The following BDP1 variants were observed in gnomAD, a reference collection of about 807,000 sequenced individuals.
BDP1 encodes transcription factor TFIIIB component B'' homolog.
A neutral mutation model predicts 266.6 loss-of-function variants in BDP1; 169 were observed. The observed-to-expected ratio is 0.63, with a 90% CI of 0.56 to 0.72. BDP1 has a LOEUF of 0.72. Among genes scored for constraint, BDP1 ranks in the 30% least tolerant of loss-of-function variants. The pLI is 0.00. For missense variants in BDP1, 3,015 were observed against 3,053.8 expected (o/e 0.99, Z 0.30); for synonymous variants, 1,090 against 1,022.4 (o/e 1.07, Z -1.26).
rs77849317 is a variant in BDP1 at position 71,515,985 on chromosome 5, A to G, written c.4650-76A>G. On this transcript the variant is annotated intron_variant, in intron 20 of 38. Coordinates refer to ENST00000358731, the MANE Select transcript of BDP1 (RefSeq NM_018429.3). ...TTAGAGTGTTTATTAGAGGAGATCC[A>G]AATTTTACATTTTTACATTAGTTTT... 1.9e-3 allele frequency: 2,071 copies of G among 1,078,152 alleles called. 27 individuals carry two copies. The African/African-American group carries it at 0.026, about 14-fold the overall frequency. 66.8% of individuals were successfully genotyped at this position (1,078,152 alleles called of 1,614,324 possible). A position where few individuals can be genotyped will look rare whatever the true frequency, so the allele number is the denominator to read the frequency against.
the BDP1 span, among the ~76,000 whole-genome samples, chr5:71,573,221 C>G: frequency 7.4e-6 from 1 of 135,452 alleles, no homozygotes; most frequent in Non-Finnish European, 1.6e-5. Context: ...GAACGAGACT[C>G]TGTTTCAAAA....
At chr5:71,564,519 A>G (rs558311410) in intron 38 of BDP1, among the ~76,000 whole-genome samples, 10 of 152,124 alleles carry the variant, frequency 6.6e-5, no homozygotes, top group Non-Finnish European at 1.2e-4. Flanking sequence ...CTAATGCTAC[A>G]AAGGTTATCT....
intron 7 of BDP1, among the ~76,000 whole-genome samples, chr5:71,483,428 C>T (rs1011874605): frequency 3.3e-5 from 5 of 152,268 alleles, no homozygotes; most frequent in African/African-American, 9.6e-5. Context: ...CAAAATTTCA[C>T]TTAGTTGTTT....
intron 11 of BDP1, among the ~76,000 whole-genome samples, chr5:71,491,748 G>T (rs371861557): frequency 1.8e-4 from 27 of 152,080 alleles, no homozygotes; most frequent in African/African-American, 6.5e-4. Context: ...GATGGGGTCG[G>T]TCTCTGTCAC....
rs200925109 is a variant in BDP1 at position 71,512,419 on chromosome 5, T to C, written c.4238T>C (p.Ile1413Thr). 73 of 1,537,468 alleles carry C rather than the reference T, an allele frequency of 4.7e-5. No homozygotes were observed. In the East Asian group the frequency reaches 1.3e-3, roughly 27 times the overall value. Residue 1413 changes from isoleucine to threonine, a missense_variant, in exon 18 of 39, where the codon ATT becomes ACT. By Grantham distance (89) the Ile-to-Thr change is moderately conservative. Transcript: ENST00000358731. ...GATGTTCCAGAGCAGTTTTCAGATATTAATTTAAGGTACAAGTGTGTTTTT... is the reference window on the plus strand; with the variant it reads ...GATGTTCCAGAGCAGTTTTCAGATACTAATTTAAGGTACAAGTGTGTTTTT... Reference protein sequence around the residue: ...SPDVPEQFSDINLSKSLPQEQ... With the variant: ...SPDVPEQFSDTNLSKSLPQEQ...
At chr5:71,480,641 A>G (rs549357483) in intron 7 of BDP1, among the ~76,000 whole-genome samples, 25 of 150,160 alleles carry the variant, frequency 1.7e-4, no homozygotes, top group African/African-American at 5.6e-4. Context: ...ATCTCAGCTC[A>G]CTGCAACCTC....
rs537872428 is a variant in BDP1, at chr5:71,510,552, T to A, written c.3460T>A (p.Ser1154Thr). The A allele has an allele frequency of 4.0e-5, 65 of 1,613,810 alleles. No homozygotes were observed. In the South Asian group the frequency reaches 6.7e-4, roughly 17 times the overall value. Residue 1154 changes from serine to threonine, a missense_variant, in exon 17 of 39, where the codon TCC becomes ACC. This residue lies in a region of BDP1 where 2,383 missense variants were observed against 2,404.9 expected (regional missense o/e 0.99). Coordinates refer to ENST00000358731, the MANE Select transcript of BDP1 (RefSeq NM_018429.3). ...GGAAGAAACTGGAAGAAGAGAAATA[T>A]CCCCAGAGGAAAATGGCCCAGAGGA... ...DLEETGRREI[S>T]PEENGPEEVK...
Position 71,548,748 on chromosome 5 carries a change from A to T in BDP1, c.6808+3A>T. The T allele has an allele frequency of 9.5e-6, 15 of 1,577,998 alleles. No individual in the cohort carries two copies. Among genetic ancestry groups the T allele is most frequent in the Non-Finnish European group, 1.3e-5 (15 of 1,148,986 alleles). On this transcript the variant is annotated splice_donor_region_variant and intron_variant, in intron 33 of 38. Coordinates refer to ENST00000358731, the MANE Select transcript of BDP1 (RefSeq NM_018429.3). Reference sequence around the variant, plus strand: ...AATCAATCCTCAAGACCTAACAGGTATGATAATATGCTTCAGTGACATGTC... The same window carrying T: ...AATCAATCCTCAAGACCTAACAGGTTTGATAATATGCTTCAGTGACATGTC...
chr5:71,502,189 CTT>C (rs70992970), intron 14 of BDP1, among the ~76,000 whole-genome samples: 79 of 135,472 alleles, frequency 5.8e-4, no homozygotes, highest in Admixed American at 1.4e-3. Flanking sequence ...TTTTCTCTCT[CTT>C]TTTTTTTTTT....
At chr5:71,544,564 A>C in intron 31 of BDP1, 57 bp downstream of exon 31, 10 of 1,536,370 alleles carry the variant, frequency 6.5e-6, no homozygotes, top group Non-Finnish European at 8.8e-6. Context: ...TATAGCCTTA[A>C]GTTGTGGCTG....
intron 7 of BDP1, among the ~76,000 whole-genome samples, chr5:71,474,617 G>T (rs1003117881): frequency 6.6e-6 from 1 of 151,850 alleles, no homozygotes; most frequent in Non-Finnish European, 1.5e-5. Flanking sequence ...GGAGGCTGAG[G>T]GGGGTGGGTC....
intron 7 of BDP1, among the ~76,000 whole-genome samples, chr5:71,472,408 C>T (rs977108083): frequency 6.6e-6 from 1 of 152,208 alleles, no homozygotes; most frequent in Non-Finnish European, 1.5e-5. Context: ...TTGCAGTGAG[C>T]TGAGATTGTA....
chr5:71,552,413 C>T (rs75824660), intron 34 of BDP1, among the ~76,000 whole-genome samples: 6,896 of 117,366 alleles, frequency 0.059, 7 homozygotes, highest in East Asian at 0.2. Flanking sequence ...ACATCCCAGA[C>T]GATGGGCGGC....
Position 71,491,024 on chromosome 5 carries a change from A to C in BDP1, c.1533A>C (p.Glu511Asp). The change falls in exon 11 of 39, where the codon GAA becomes GAC. Residue 511 changes from glutamate (E) to aspartate (D), a missense_variant. Transcript: ENST00000358731. ...QAIRPELKEG[E>D]CSKEQMLSCT... is the part of the protein sequence containing the mutation. ...TAAGGCCTGAGCTAAAGGAAGGTGAATGCAGTAAGGAGCAGATGCTTTCCT... is the reference window on the plus strand; with the variant it reads ...TAAGGCCTGAGCTAAAGGAAGGTGACTGCAGTAAGGAGCAGATGCTTTCCT... 3.1e-6 allele frequency: 5 copies of C among 1,613,632 alleles called. No homozygotes were observed. The highest frequency in any genetic ancestry group is 1.3e-5 in the African/African-American group (1 of 75,052).
intron 21 of BDP1, among the ~76,000 whole-genome samples, chr5:71,516,634 T>C (rs1359818644): frequency 6.6e-6 from 1 of 152,230 alleles, no homozygotes; most frequent in Non-Finnish European, 1.5e-5. Flanking sequence ...CATTACGTAC[T>C]ATAACTTTCT....
chr5:71,564,110 A>T (rs1743871899), intron 38 of BDP1, among the ~76,000 whole-genome samples: 1 of 152,148 alleles, frequency 6.6e-6, no homozygotes, highest in Non-Finnish European at 1.5e-5. Flanking sequence ...TCATTTATTT[A>T]ATAATACAAT....
In BDP1 at chr5:71,461,863, C is replaced by T; in HGVS notation, c.536C>T (p.Pro179Leu). 6.2e-7 allele frequency: 1 copy of T among 1,608,600 alleles called. No individual in the cohort carries two copies. The highest frequency in any genetic ancestry group is 8.5e-7 in the Non-Finnish European group (1 of 1,176,826). Residue 179 changes from proline (P) to leucine (L), a missense_variant, in exon 3 of 39, where the codon CCA becomes CTA. Coordinates refer to ENST00000358731, the MANE Select transcript of BDP1 (RefSeq NM_018429.3). ...GCTATAAATGAAAGTCAGAGGCCAC[C>T]AGATCGTTCAAAAATGACTATGAGA... is the stretch of plus-strand genomic sequence containing the variant. The part of the protein sequence containing the change: ...KYAINESQRP[P>L]DRSKMTMRDF...
chr5:71,557,243 C>T (rs768745783), intron 36 of BDP1, among the ~76,000 whole-genome samples: 11 of 152,118 alleles, frequency 7.2e-5, no homozygotes, highest in Non-Finnish European at 7.4e-5. Flanking sequence ...GGTTCTCACT[C>T]TGTTACCTAG....
intron 1 of BDP1, among the ~76,000 whole-genome samples, chr5:71,456,759 G>A (rs1313093216): frequency 1.3e-5 from 2 of 152,194 alleles, no homozygotes; most frequent in South Asian, 2.1e-4. Context: ...CCTTGCAGGG[G>A]ATATAGCAGA....
Sources: allele counts gnomAD v4.1 joint callset (sites outside exome capture counted in the v4.1 genomes callset), GRCh38; gene constraint gnomAD v4.1.1; regional missense constraint gnomAD v4.1.1; transcripts MANE v1.5; gene names NCBI Gene and HGNC (gene_info 2026-07-23, HGNC 2026-07-21).